ESRRG: variants seen among roughly 807,000 people sequenced by gnomAD.
ESRRG encodes the protein estrogen-related receptor gamma.
A neutral mutation model predicts 44.0 loss-of-function variants in ESRRG; 13 were observed. The observed-to-expected ratio is 0.30, with a 90% confidence interval of 0.19 to 0.47. The LOEUF (loss-of-function observed/expected upper bound fraction) is 0.47. Ranked by LOEUF, ESRRG falls within the 20% of genes least tolerant of loss-of-function variation. The pLI, the probability that ESRRG is intolerant of heterozygous loss-of-function variation, is 1.00. For synonymous variants in ESRRG, 215 were observed against 214.6 expected (o/e 1.00, Z -0.02); for missense variants, 395 against 580.6 (o/e 0.68, Z 3.29).
At chr1:216,652,198 G>T (rs1266897182) in intron 2 of ESRRG, among the ~76,000 whole-genome samples, 1 of 152,138 alleles carries the variant, frequency 6.6e-6, no homozygotes, top group Admixed American at 6.5e-5. Flanking sequence ...GCTGCTCCAT[G>T]TTTGCAAAAC....
At chr1:216,826,454 T>A (rs948976434) in intron 2 of ESRRG, among the ~76,000 whole-genome samples, 3 of 152,132 alleles carry the variant, frequency 2.0e-5, no homozygotes, top group African/African-American at 7.2e-5. Context: ...ACAACCCAAC[T>A]CAGAAGTCAA....
At chr1:216,601,146 C>A (rs1573889846) in intron 3 of ESRRG, among the ~76,000 whole-genome samples, 1 of 152,088 alleles carries the variant, frequency 6.6e-6, no homozygotes, top group South Asian at 2.1e-4. Flanking sequence ...CCACTGCCAC[C>A]CGCAGGCTGC....
chr1:216,840,420 A>T (rs4593893), intron 2 of ESRRG, among the ~76,000 whole-genome samples: 28,412 of 152,030 alleles, frequency 0.19, 2,759 homozygotes, highest in Admixed American at 0.25. Flanking sequence ...GGCTGGTTTG[A>T]TCTTCTACCA....
chr1:217,087,134 T>C (rs2092129066), intron 1 of ESRRG, among the ~76,000 whole-genome samples: 1 of 152,212 alleles, frequency 6.6e-6, no homozygotes, highest in Admixed American at 6.5e-5. Flanking sequence ...AGGATCCATT[T>C]CAAACATAAG....
At chr1:216,564,560 T>A (rs1369059241) in intron 4 of ESRRG, among the ~76,000 whole-genome samples, 180 bp from the exon 5 acceptor site, 1 of 152,082 alleles carries the variant, frequency 6.6e-6, no homozygotes, top group Non-Finnish European at 1.5e-5. Flanking sequence ...TAGCAAGACA[T>A]ATGCCACTGC....
intron 2 of ESRRG, among the ~76,000 whole-genome samples, chr1:216,737,634 A>C (rs1480929194): frequency 6.6e-6 from 1 of 152,158 alleles, no homozygotes; most frequent in South Asian, 2.1e-4. Flanking sequence ...GTGTAAAGGA[A>C]GTGTATGTAA....
chr1:216,932,038 T>G (rs12739448), intron 2 of ESRRG, among the ~76,000 whole-genome samples: 1 of 152,102 alleles, frequency 6.6e-6, no homozygotes, highest in African/African-American at 2.4e-5. Flanking sequence ...ACGTGGTCTC[T>G]ACTAAAAATA....
At chr1:216,916,076 T>C (rs1012416196) in intron 2 of ESRRG, among the ~76,000 whole-genome samples, 3 of 152,092 alleles carry the variant, frequency 2.0e-5, no homozygotes, top group African/African-American at 7.2e-5. Flanking sequence ...TCCTCTCCCT[T>C]TCAGCCCCAA....
chr1:216,666,728 T>C (rs2074015514), intron 2 of ESRRG, among the ~76,000 whole-genome samples: 1 of 152,206 alleles, frequency 6.6e-6, no homozygotes, highest in Non-Finnish European at 1.5e-5. Flanking sequence ...ACCCGCTTCC[T>C]GAAAGTCCAC....
chr1:216,684,672 G>T (rs543547513), intron 1 of ESRRG, among the ~76,000 whole-genome samples: 2 of 152,142 alleles, frequency 1.3e-5, no homozygotes, highest in Non-Finnish European at 2.9e-5. Context: ...ATCTACATCG[G>T]CTTTGAAGGG....
At chr1:216,673,531 C>A (rs907459280) in intron 2 of ESRRG, among the ~76,000 whole-genome samples, 2 of 152,168 alleles carry the variant, frequency 1.3e-5, no homozygotes, top group East Asian at 3.9e-4. Flanking sequence ...CTCTCCAATA[C>A]GGAGTAAAAC....
chr1:216,889,173 T>C (rs2057437860), intron 2 of ESRRG, among the ~76,000 whole-genome samples: 1 of 152,180 alleles, frequency 6.6e-6, no homozygotes. Flanking sequence ...ATTGCTGACA[T>C]CCTTCCAGTT....
At chr1:216,778,490 G>A (rs1180015606) in intron 2 of ESRRG, among the ~76,000 whole-genome samples, 2 of 151,722 alleles carry the variant, frequency 1.3e-5, no homozygotes, top group East Asian at 3.9e-4. Context: ...GTGTTGTGTC[G>A]GGCCCTGACA....
At chr1:216,551,637 C>T (rs1256830799) in intron 5 of ESRRG, among the ~76,000 whole-genome samples, 1 of 152,096 alleles carries the variant, frequency 6.6e-6, no homozygotes, top group Non-Finnish European at 1.5e-5. Context: ...TTAATTAAAA[C>T]CCGTGGATTA....
intron 2 of ESRRG, among the ~76,000 whole-genome samples, chr1:216,670,192 A>G (rs998586537): frequency 1.3e-5 from 2 of 152,198 alleles, no homozygotes; most frequent in Non-Finnish European, 2.9e-5. Flanking sequence ...TATTTTCTCT[A>G]TGGCTGAAAA....
intron 5 of ESRRG, among the ~76,000 whole-genome samples, chr1:216,530,054 G>A (rs11810718): frequency 7.0e-6 from 1 of 142,254 alleles, no homozygotes; most frequent in Non-Finnish European, 1.5e-5. Flanking sequence ...AAATGTTGCA[G>A]TGAGCTAAGA....
intron 3 of ESRRG, among the ~76,000 whole-genome samples, chr1:216,640,119 A>G (rs2066088513): frequency 6.6e-6 from 1 of 152,180 alleles, no homozygotes; most frequent in Non-Finnish European, 1.5e-5. Context: ...TGTGCAGTCT[A>G]CTTGGGTAAG....
chr1:216,977,373 T>TACACAC (rs878951300), intron 1 of ESRRG, among the ~76,000 whole-genome samples: 1 of 145,002 alleles, frequency 6.9e-6, no homozygotes, highest in East Asian at 2.0e-4. Flanking sequence ...CACACACACA[T>TACACAC]ATACATATAG....
At chr1:216,653,751 C>T (rs1047592292) in intron 2 of ESRRG, among the ~76,000 whole-genome samples, 3 of 152,040 alleles carry the variant, frequency 2.0e-5, no homozygotes, top group African/African-American at 4.8e-5. Flanking sequence ...TTTTGTTATA[C>T]CTTTCATACA....
Sources: gnomAD v4.1 joint callset for allele counts (sites outside exome capture counted in the v4.1 genomes callset) on GRCh38, gnomAD v4.1.1 for gene constraint, MANE v1.5 for transcripts, NCBI Gene and HGNC (gene_info 2026-07-23, HGNC 2026-07-21) for gene names.